TECPR2: variants seen among roughly 807,000 people sequenced by gnomAD.
TECPR2 encodes tectonin beta-propeller repeat containing 2.
Under a neutral mutation model 138.1 loss-of-function variants are expected in TECPR2, and 65 were observed. The ratio of observed to expected loss-of-function variants is 0.47; its 90% CI spans 0.39 to 0.58. The LOEUF (loss-of-function observed/expected upper bound fraction) is 0.58, where lower values mean the gene tolerates loss of function less well. TECPR2 is among the 20% of genes least tolerant of loss of function. The probability of loss-of-function intolerance (pLI) is 0.00; values close to 1 mark genes in which losing one functional copy is unlikely to be tolerated. For missense variants in TECPR2, 1,553 were observed against 1,824.5 expected, an observed-to-expected ratio of 0.85 and a Z score of 2.71; for synonymous variants, 746 against 749.8, an observed-to-expected ratio of 0.99 and a Z score of 0.08.
chr14:102,477,611 TG>T (rs1890792466), intron 17 of TECPR2, among the ~76,000 whole-genome samples: 1 of 145,656 alleles, frequency 6.9e-6, no homozygotes, highest in African/African-American at 2.5e-5. Context: ...GGTACAGTGG[TG>T]CGATCTCGGC....
intron 4 of TECPR2, among the ~76,000 whole-genome samples, chr14:102,411,164 T>C (rs1196843997): frequency 1.3e-5 from 2 of 152,264 alleles, no homozygotes; most frequent in Non-Finnish European, 2.9e-5. Context: ...CCCCTAATCC[T>C]GCTTGAAGCA....
chr14:102,464,507 C>A (rs1318131118), intron 16 of TECPR2, among the ~76,000 whole-genome samples: 1 of 152,072 alleles, frequency 6.6e-6, no homozygotes, highest in Non-Finnish European at 1.5e-5. Context: ...ATCTCAGCCT[C>A]CCGAGTAGCT....
At chr14:102,371,276 T>C (rs1018355336) in intron 1 of TECPR2, among the ~76,000 whole-genome samples, 1 of 152,200 alleles carries the variant, frequency 6.6e-6, no homozygotes, top group African/African-American at 2.4e-5. Flanking sequence ...CAGAAAGTCT[T>C]AGCAGAAATG....
intron 17 of TECPR2, among the ~76,000 whole-genome samples, chr14:102,473,704 G>A (rs1890696007): frequency 1.3e-5 from 2 of 152,236 alleles, no homozygotes; most frequent in South Asian, 4.1e-4. Context: ...TCAGTTTTCA[G>A]ATTTGCTAAC....
At chr14:102,490,827 T>G (rs572673975) in intron 17 of TECPR2, among the ~76,000 whole-genome samples, 9 of 152,328 alleles carry the variant, frequency 5.9e-5, no homozygotes, top group African/African-American at 2.2e-4. Context: ...CCCTGCAGCT[T>G]GTCCTCACTG....
chr14:102,438,301 T>G, intron 10 of TECPR2, 96 bp downstream of exon 10: 1 of 1,420,380 alleles, frequency 7.0e-7, no homozygotes, highest in East Asian at 2.5e-5. Context: ...AGGGCTCCCC[T>G]GCAGCAGCTC....
At position 102,445,909 on chromosome 14, in the gene TECPR2, T is replaced by C. The variant is rs1431591380; in HGVS notation, c.3037T>C (p.Ser1013Pro). The change falls in exon 13 of 20, where the codon TCC becomes CCC. Residue 1013 changes from serine (S) to proline (P), a missense_variant. Ser to Pro is a moderately conservative substitution (Grantham distance 74). Coordinates refer to ENST00000359520, the MANE Select transcript of TECPR2 (RefSeq NM_014844.5). The stretch of plus-strand genomic sequence containing the variant: ...CCTGTGGTTCAGAACTGGCATTATT[T>C]CCAAGAAGCCCCAAGGAGATGACGA... ...GNLWFRTGII[S>P]KKPQGDDDHW... The C allele has an allele frequency of 6.2e-7, 1 of 1,613,906 alleles. No individual in the cohort carries two copies. The highest frequency in any genetic ancestry group is 1.7e-5 in the Admixed American group (1 of 59,942).
rs1274510002 is a variant in TECPR2, at chr14:102,434,684, G to C, written c.1867G>C (p.Gly623Arg). The change falls in exon 9 of 20, where the codon GGG (glycine) becomes CGG (arginine). Residue 623 changes from glycine (G) to arginine (R), a missense_variant. Coordinates refer to ENST00000359520, the MANE Select transcript of TECPR2 (RefSeq NM_014844.5). ...CTTCCAAGAACAGGACAGCTCTCCT[G>C]GGGCGCATGATGGGGAAGACATCCA... ...LPFQEQDSSP[G>R]AHDGEDIQPI... The C allele has an allele frequency of 6.2e-7, 1 of 1,612,910 alleles. No individual in the cohort carries two copies. Among genetic ancestry groups the C allele is most frequent in the Non-Finnish European group, 8.5e-7 (1 of 1,179,466 alleles).
At chr14:102,438,229 CCG>C (rs1251942109) in intron 10 of TECPR2, 24 bp downstream of exon 10, 7 of 1,584,390 alleles carry the variant, frequency 4.4e-6, no homozygotes, top group Non-Finnish European at 6.0e-6. Flanking sequence ...CTCCCTGCTC[CCG>C]CTCCCTGCTC....
intron 4 of TECPR2, 33 bp from the exon 5 acceptor site, chr14:102,414,603 T>C (rs370597161): frequency 6.8e-6 from 11 of 1,611,696 alleles, no homozygotes; most frequent in African/African-American, 5.3e-5. Context: ...AGCCTGGCGC[T>C]GATGTGAGGT....
chr14:102,481,513 C>A (rs142072401), intron 17 of TECPR2, among the ~76,000 whole-genome samples: 1 of 152,190 alleles, frequency 6.6e-6, no homozygotes, highest in African/African-American at 2.4e-5. Flanking sequence ...GCCTCTAGTC[C>A]CACCTACTCA....
intron 6 of TECPR2, among the ~76,000 whole-genome samples, chr14:102,427,781 A>C (rs1889363260): frequency 6.6e-6 from 1 of 152,110 alleles, no homozygotes; most frequent in Admixed American, 6.5e-5. Flanking sequence ...GGAAGTTTGG[A>C]TGAGGTGCTG....
In TECPR2 at chr14:102,408,352, G is replaced by A. The variant is rs116434192; in HGVS notation, c.349-136G>A. On this transcript the variant is annotated intron_variant, in intron 3 of 19. Transcript: ENST00000359520. ...CTAGACAGATGGAACTTTGTGCAGG[G>A]TTCTGCTTGGAAAACGAGATTGGGA... 4 of 925,960 alleles carry A rather than the reference G, an allele frequency of 4.3e-6. No homozygotes were observed. The African/African-American group carries it at 6.8e-5, about 16-fold the overall frequency. 57.4% of individuals were successfully genotyped at this position (925,960 alleles called of 1,614,324 possible).
In TECPR2 at chr14:102,434,894, C is replaced by G; in HGVS notation, c.2077C>G (p.Leu693Val). 1 of 1,613,770 alleles carries G rather than the reference C, an allele frequency of 6.2e-7. No homozygotes were observed. ...ILTSMEASGH[L>V]STNLWHAVTD... ...AACCAGCATGGAGGCCTCTGGCCACCTCAGCACAAATCTCTGGCATGCTGT... is the reference window on the plus strand; with the variant it reads ...AACCAGCATGGAGGCCTCTGGCCACGTCAGCACAAATCTCTGGCATGCTGT... Residue 693 changes from leucine (L) to valine (V), a missense_variant, in exon 9 of 20, where the codon CTC becomes GTC. Coordinates refer to ENST00000359520, the MANE Select transcript of TECPR2 (RefSeq NM_014844.5).
rs1332992473 is a variant in TECPR2, at chr14:102,414,685, A to G, written c.530A>G (p.Gln177Arg). The G allele has an allele frequency of 1.2e-6, 2 of 1,614,130 alleles. No homozygotes were observed. Among genetic ancestry groups the G allele is most frequent in the Admixed American group, 3.3e-5 (2 of 60,002 alleles). Residue 177 changes from glutamine to arginine, a missense_variant, in exon 5 of 20, where the codon CAG (glutamine) becomes CGG (arginine). Gln to Arg is a conservative substitution (Grantham distance 43, BLOSUM62 1). Coordinates refer to ENST00000359520, the MANE Select transcript of TECPR2 (RefSeq NM_014844.5). Reference sequence around the variant, plus strand: ...TTGGAGGAGCCATCTTCCATTGTGCAGCTGGATTATAGCCAGAAAGTGCTG... The same window carrying G: ...TTGGAGGAGCCATCTTCCATTGTGCGGCTGGATTATAGCCAGAAAGTGCTG... ...LVLEEPSSIV[Q>R]LDYSQKVLLV... is the part of the protein sequence containing the mutation.
intron 7 of TECPR2, among the ~76,000 whole-genome samples, chr14:102,430,032 T>A (rs1232743759): frequency 1.3e-5 from 2 of 152,146 alleles, no homozygotes; most frequent in African/African-American, 4.8e-5. Context: ...AGTGGTGCAG[T>A]CTCTGGTCAC....
chr14:102,399,927 G>T (rs1390461796), intron 2 of TECPR2, among the ~76,000 whole-genome samples: 1 of 151,654 alleles, frequency 6.6e-6, no homozygotes, highest in Non-Finnish European at 1.5e-5. Flanking sequence ...CTGTAACAAT[G>T]GTTTATAATT....
At position 102,420,456 on chromosome 14, in the gene TECPR2, C is replaced by T. The variant is rs910201636; in HGVS notation, c.639-4523C>T. On this transcript the variant is annotated intron_variant, in intron 5 of 19. Coordinates refer to ENST00000359520, the MANE Select transcript of TECPR2 (RefSeq NM_014844.5). The surrounding 1 kb of genome is among the most constrained non-coding windows in gnomAD (Gnocchi z 4.1). ...ACAACTTCACTGCCTTTGACCAACC[C>T]ACTCATCAGACATTTCCGTTCTTTT... 6.6e-6 allele frequency among the ~76,000 whole-genome samples: 1 copy of T among 152,050 alleles called. No individual in the cohort carries two copies. Among genetic ancestry groups the T allele is most frequent in the Admixed American group, 6.6e-5 (1 of 15,246 alleles).
chr14:102,440,198 G>A (rs79844991), intron 10 of TECPR2, among the ~76,000 whole-genome samples: 11 of 152,148 alleles, frequency 7.2e-5, no homozygotes, highest in Admixed American at 1.3e-4. Flanking sequence ...TGATCCCCAC[G>A]GCCCAGGAGG....
Sources: gnomAD v4.1 joint callset for allele counts (sites outside exome capture counted in the v4.1 genomes callset) on GRCh38, gnomAD v4.1.1 for gene constraint, Gnocchi (gnomAD v3.1) non-coding constraint, MANE v1.5 for transcripts, NCBI Gene and HGNC (gene_info 2026-07-23, HGNC 2026-07-21) for gene names.